Variants in OSBPL1A observed in about 807,000 individuals in gnomAD.
OSBPL1A encodes the protein oxysterol binding protein like 1A.
Under a neutral mutation model 137.1 loss-of-function variants are expected in OSBPL1A, and 80 were observed. That is an observed-to-expected ratio of 0.58 (90% CI 0.49 to 0.70). The LOEUF is 0.70. OSBPL1A is among the 30% of genes least tolerant of loss of function. The probability of loss-of-function intolerance (pLI) is 0.00; values close to 1 mark genes in which losing one functional copy is unlikely to be tolerated. For synonymous variants in OSBPL1A, 365 were observed against 389.7 expected (o/e 0.94, Z 0.75); for missense variants, 970 against 1,129.4 (o/e 0.86, Z 2.02).
At chr18:24,272,237 T>A in intron 15 of OSBPL1A, 1 of 617,342 alleles carries the variant, frequency 1.6e-6, no homozygotes, top group Non-Finnish European at 1.9e-6. Flanking sequence ...CCCTGGCAAC[T>A]TTTTTTTTTT....
chr18:24,172,309 A>C (rs2086308116), intron 22 of OSBPL1A, 67 bp downstream of exon 22: 2 of 1,157,708 alleles, frequency 1.7e-6, no homozygotes, highest in African/African-American at 1.6e-5. Context: ...AAAACAAAAA[A>C]ACTGATGTCC....
intron 2 of OSBPL1A, among the ~76,000 whole-genome samples, chr18:24,370,987 T>G (rs1202076907): frequency 2.0e-5 from 3 of 152,164 alleles, no homozygotes; most frequent in African/African-American, 7.2e-5. Flanking sequence ...TTCATGTATA[T>G]GTAAATACCC....
At chr18:24,266,938 G>A (rs2089591723) in intron 15 of OSBPL1A, among the ~76,000 whole-genome samples, 1 of 151,824 alleles carries the variant, frequency 6.6e-6, no homozygotes, top group African/African-American at 2.4e-5. Context: ...AACTGATACA[G>A]ATAATTGTAA....
intron 15 of OSBPL1A, among the ~76,000 whole-genome samples, chr18:24,269,606 C>A (rs2089665780): frequency 6.6e-6 from 1 of 152,002 alleles, no homozygotes; most frequent in Non-Finnish European, 1.5e-5. Context: ...CCTCAATGGA[C>A]CATTATAAAA....
chr18:24,344,201 G>C (rs1213837676), intron 4 of OSBPL1A, among the ~76,000 whole-genome samples: 1 of 152,206 alleles, frequency 6.6e-6, no homozygotes, highest in African/African-American at 2.4e-5. Context: ...GGTAATCCCA[G>C]CACTTTGGGA....
At chr18:24,325,912 TTTTTAA>T (rs1182709869) in intron 7 of OSBPL1A, among the ~76,000 whole-genome samples, 5 of 152,246 alleles carry the variant, frequency 3.3e-5, no homozygotes, top group Admixed American at 2.0e-4. Context: ...TTGCTTTTAT[TTTTTAA>T]TTTTAATTTT....
intron 1 of OSBPL1A, among the ~76,000 whole-genome samples, chr18:24,382,226 G>A (rs1395354961): frequency 1.7e-4 from 20 of 119,198 alleles, no homozygotes; most frequent in African/African-American, 6.1e-4. Context: ...TGGTGAAAAC[G>A]TCTCTACTAA....
chr18:24,272,075 G>C, intron 15 of OSBPL1A: 1 of 982,350 alleles, frequency 1.0e-6, no homozygotes, highest in Non-Finnish European at 1.2e-6. Flanking sequence ...CCGCTGGCGG[G>C]CGGAGGCGCA....
At chr18:24,309,612 A>AT (rs772023769) in intron 13 of OSBPL1A, among the ~76,000 whole-genome samples, 5 of 152,194 alleles carry the variant, frequency 3.3e-5, no homozygotes, top group Non-Finnish European at 7.3e-5. Context: ...TGGCCCCTGA[A>AT]TTTCACTGGA....
rs78304047 is a variant in OSBPL1A at position 24,347,458 on chromosome 18, T to C, written c.283-5800A>G. On this transcript the variant is annotated intron_variant, in intron 4 of 27. Transcript: ENST00000319481. ...TCTTGGCCTCTCAAAGTGCTGGAAC[T>C]ACAGGCGTAAGCCACAGCGCCCGGC... Among the ~76,000 whole-genome samples, 871 of 152,270 alleles carry C rather than the reference T, an allele frequency of 5.7e-3. 12 individuals carry two copies. The highest frequency in any genetic ancestry group is 0.037 in the East Asian group (191 of 5,154).
chr18:24,191,685 T>C (rs759353140), intron 18 of OSBPL1A, among the ~76,000 whole-genome samples: 4 of 152,202 alleles, frequency 2.6e-5, no homozygotes, highest in Non-Finnish European at 5.9e-5. Flanking sequence ...ATTTCTGCAG[T>C]AATGAAGTAT....
chr18:24,275,257 T>C (rs1005577913), intron 15 of OSBPL1A, among the ~76,000 whole-genome samples: 1 of 151,682 alleles, frequency 6.6e-6, no homozygotes, highest in Non-Finnish European at 1.5e-5. Flanking sequence ...TGAAGCAAGG[T>C]CCCCAGAGAA....
chr18:24,332,009 G>GCCCACCCTT (rs1253359052), intron 7 of OSBPL1A, among the ~76,000 whole-genome samples: 1 of 152,018 alleles, frequency 6.6e-6, no homozygotes, highest in Non-Finnish European at 1.5e-5. Flanking sequence ...ATAAACAAAT[G>GCCCACCCTT]TCCTCGTCAT....
In OSBPL1A at chr18:24,183,926, G is replaced by C. The variant is rs898622636; in HGVS notation, c.1678-2647C>G. ...TGAACCAGATTGAGTTCCACTGCTGGGTTCACCTTTACTAGCCGTGTAGCT... is the reference window on the plus strand; with the variant it reads ...TGAACCAGATTGAGTTCCACTGCTGCGTTCACCTTTACTAGCCGTGTAGCT... On this transcript the variant is annotated intron_variant, in intron 18 of 27. Coordinates refer to ENST00000319481, the MANE Select transcript of OSBPL1A (RefSeq NM_080597.4). Among the ~76,000 whole-genome samples the C allele has an allele frequency of 6.6e-5, 10 of 152,226 alleles. No individual in the cohort carries two copies. The South Asian group carries it at 2.1e-3, about 32-fold the overall frequency.
chr18:24,321,024 G>A (rs544016997), intron 7 of OSBPL1A, among the ~76,000 whole-genome samples: 2 of 85,058 alleles, frequency 2.4e-5, no homozygotes, highest in African/African-American at 5.1e-5. Flanking sequence ...GCAAGACTTC[G>A]TCTCAAAAAA....
intron 4 of OSBPL1A, among the ~76,000 whole-genome samples, chr18:24,358,775 C>G (rs181770078): frequency 2.0e-5 from 3 of 152,184 alleles, no homozygotes; most frequent in Non-Finnish European, 4.4e-5. Context: ...GGGTCTTGCT[C>G]TGTCATCCAA....
rs1172514692 is a variant in OSBPL1A, at chr18:24,351,347, CA to C, written c.283-9690del. Among the ~76,000 whole-genome samples the C allele has an allele frequency of 4.5e-3, 160 of 35,772 alleles. 2 individuals carry two copies. Among genetic ancestry groups the C allele is most frequent in the African/African-American group, 8.5e-3 (84 of 9,842 alleles). 23.5% of individuals were successfully genotyped at this position (35,772 alleles called of 152,430 possible). On this transcript the variant is annotated intron_variant, in intron 4 of 27. Coordinates refer to ENST00000319481, the MANE Select transcript of OSBPL1A (RefSeq NM_080597.4). ...CTGGACAACAGAGAAGACTCTGTCT[CA>C]AAAAAAAAAAAAAAAAAAAAAGACA... is the stretch of plus-strand genomic sequence containing the variant.
At chr18:24,343,800 C>T (rs975798883) in intron 4 of OSBPL1A, among the ~76,000 whole-genome samples, 20 of 152,076 alleles carry the variant, frequency 1.3e-4, no homozygotes, top group African/African-American at 4.6e-4. Flanking sequence ...ATACCTTACA[C>T]CATACACAAA....
Position 24,303,904 on chromosome 18 carries a change from T to A in OSBPL1A, c.1093-186A>T, listed in dbSNP as rs76517670. 2.4e-4 allele frequency among the ~76,000 whole-genome samples: 37 copies of A among 152,242 alleles called. No homozygotes were observed. In the East Asian group the frequency reaches 4.0e-3, roughly 17 times the overall value. On this transcript the variant is annotated intron_variant, in intron 13 of 27. Coordinates refer to ENST00000319481, the MANE Select transcript of OSBPL1A (RefSeq NM_080597.4). ...AAACTGAATATAACATTTAATCAAG[T>A]GTAAAGTAAAAATAAATATTTTAAA...
Sources: allele counts gnomAD v4.1 joint callset (sites outside exome capture counted in the v4.1 genomes callset), GRCh38; gene constraint gnomAD v4.1.1; transcripts MANE v1.5; gene names NCBI Gene and HGNC (gene_info 2026-07-23, HGNC 2026-07-21).